Variants in CAPZB observed in about 807,000 individuals in gnomAD.
The protein encoded by CAPZB is capping actin protein of muscle Z-line subunit beta.
CAPZB carries 2 observed loss-of-function variants against 38.1 expected under a neutral mutation model. That is an observed-to-expected ratio of 0.05 (90% CI 0.02 to 0.17). The LOEUF is 0.17. CAPZB is among the 10% of genes least tolerant of loss of function. CAPZB has a pLI of 1.00. For missense variants in CAPZB, 161 were observed against 334.2 expected (o/e 0.48, Z 4.04); for synonymous variants, 107 against 127.4 (o/e 0.84, Z 1.08).
intron 1 of CAPZB, chr1:19,449,003 C>T (rs1048654071): frequency 2.5e-5 from 39 of 1,570,738 alleles, no homozygotes; most frequent in African/African-American, 1.2e-4. Flanking sequence ...TGACTAGGGA[C>T]GCTGCCCCAG....
intron 4 of CAPZB, among the ~76,000 whole-genome samples, chr1:19,375,167 C>T (rs566394578): frequency 1.3e-5 from 2 of 152,066 alleles, no homozygotes; most frequent in African/African-American, 2.4e-5. Flanking sequence ...CACAATGTAC[C>T]AAGATGTTTT....
Position 19,366,283 on chromosome 1 carries a change from AATATATATATAT to A in CAPZB, c.330-8732_330-8721del, listed in dbSNP as rs201882034. 2.0e-4 allele frequency among the ~76,000 whole-genome samples: 12 copies of A among 60,504 alleles called. 2 individuals carry two copies. Among genetic ancestry groups the A allele is most frequent in the African/African-American group, 7.7e-4 (12 of 15,672 alleles). 39.7% of individuals were successfully genotyped at this position (60,504 alleles called of 152,430 possible). ...GCAACATAGTGAGACCGTGTCTTAA[AATATATATATAT>A]ATATATATATATATAAATAAAATAA... On this transcript the variant is annotated intron_variant, in intron 4 of 8. Coordinates refer to ENST00000264202, the MANE Select transcript of CAPZB (RefSeq NM_004930.5).
chr1:19,354,264 T>C (rs1350168966), intron 6 of CAPZB, among the ~76,000 whole-genome samples: 1 of 152,228 alleles, frequency 6.6e-6, no homozygotes, highest in African/African-American at 2.4e-5. Flanking sequence ...TCATGCTCAC[T>C]GAGCTGCTCA....
chr1:19,459,779 T>G (rs546545611), intron 1 of CAPZB, among the ~76,000 whole-genome samples: 1 of 152,222 alleles, frequency 6.6e-6, no homozygotes, highest in African/African-American at 2.4e-5. Context: ...ATTCAGAAGT[T>G]CAAAATTTCC....
chr1:19,450,126 A>C (rs915166109), intron 1 of CAPZB, among the ~76,000 whole-genome samples: 1 of 143,498 alleles, frequency 7.0e-6, no homozygotes, highest in Admixed American at 7.0e-5. Flanking sequence ...CCTGGGCAAC[A>C]GAGCAAGACC....
At chr1:19,411,424 G>GAA (rs986859413) in intron 2 of CAPZB, among the ~76,000 whole-genome samples, 7 of 152,182 alleles carry the variant, frequency 4.6e-5, no homozygotes, top group Non-Finnish European at 1.0e-4. Context: ...TGGCTTTGGA[G>GAA]AAATTCAAGC....
chr1:19,365,060 T>C (rs2094075951), intron 4 of CAPZB, among the ~76,000 whole-genome samples: 1 of 152,124 alleles, frequency 6.6e-6, no homozygotes, highest in Non-Finnish European at 1.5e-5. Flanking sequence ...CTCAGGCAGG[T>C]CTTGAACTCC....
chr1:19,413,316 G>A (rs759595280), intron 2 of CAPZB, among the ~76,000 whole-genome samples: 7 of 152,166 alleles, frequency 4.6e-5, no homozygotes, highest in Non-Finnish European at 1.0e-4. Flanking sequence ...ACTTACTTCA[G>A]CTGAGACCCT....
chr1:19,371,763 C>T (rs2094120729), intron 4 of CAPZB, among the ~76,000 whole-genome samples: 1 of 152,212 alleles, frequency 6.6e-6, no homozygotes, highest in African/African-American at 2.4e-5. Flanking sequence ...CACTCACGTC[C>T]CGAGGAAGGG....
At chr1:19,355,482 G>A (rs569612916) in intron 6 of CAPZB, among the ~76,000 whole-genome samples, 6 of 146,178 alleles carry the variant, frequency 4.1e-5, no homozygotes, top group East Asian at 2.0e-4. Flanking sequence ...GTGACAGAGC[G>A]AGACTCCGTC....
chr1:19,462,792 C>T (rs927462035), intron 1 of CAPZB, among the ~76,000 whole-genome samples: 3 of 152,222 alleles, frequency 2.0e-5, no homozygotes, highest in African/African-American at 7.2e-5. Context: ...CCGCACTGTT[C>T]GCTAAGGCAG....
intron 1 of CAPZB, among the ~76,000 whole-genome samples, chr1:19,478,771 T>C (rs961150352): frequency 6.6e-6 from 1 of 152,214 alleles, no homozygotes; most frequent in Admixed American, 6.5e-5. Flanking sequence ...ACGGAATGAA[T>C]GACCCGATGG....
rs568252524 is a variant in CAPZB at position 19,355,420 on chromosome 1, G to A, written c.588+1215C>T. Among the ~76,000 whole-genome samples, 366 of 150,710 alleles carry A rather than the reference G, an allele frequency of 2.4e-3. 2 individuals carry two copies. The highest frequency in any genetic ancestry group is 8.7e-3 in the African/African-American group (356 of 40,932). ...TGAGGCAGGAGAATCGCTTGAACCCGGGAGGCAGAGATTGCAGTGAACCGA... is the reference window on the plus strand; with the variant it reads ...TGAGGCAGGAGAATCGCTTGAACCCAGGAGGCAGAGATTGCAGTGAACCGA... On this transcript the variant is annotated intron_variant, in intron 6 of 8. Transcript: ENST00000264202.
chr1:19,410,365 T>G (rs2094352104), intron 2 of CAPZB, among the ~76,000 whole-genome samples: 1 of 152,230 alleles, frequency 6.6e-6, no homozygotes, highest in Non-Finnish European at 1.5e-5. Flanking sequence ...GTGCACTGCT[T>G]TTTCCAAAAT....
chr1:19,386,604 G>A (rs1445337153), intron 2 of CAPZB, among the ~76,000 whole-genome samples: 2 of 152,162 alleles, frequency 1.3e-5, no homozygotes, highest in Non-Finnish European at 1.5e-5. Flanking sequence ...GGCTGACAGC[G>A]ACAGTGGTTC....
At position 19,419,675 on chromosome 1, in the gene CAPZB, C is replaced by G; in HGVS notation, c.79G>C (p.Asp27His). ...GAGGCACGTACCAGGTCGATCAGGTCGCTGAGGTTTTTCTCGATTTGCTGG... is the reference window on the plus strand; with the variant it reads ...GAGGCACGTACCAGGTCGATCAGGTGGCTGAGGTTTTTCTCGATTTGCTGG... ...PPQQIEKNLS[D>H]LIDLVPSLCE... The change falls in exon 2 of 9, where the codon GAC (aspartate) becomes CAC (histidine). Residue 27 changes from aspartate (D) to histidine (H), a missense_variant. Physicochemically the swap from Asp to His is moderately conservative, Grantham distance 81. Transcript: ENST00000264202. 1 of 1,591,764 alleles carries G rather than the reference C, an allele frequency of 6.3e-7. No individual in the cohort carries two copies.
At position 19,357,603 on chromosome 1, in the gene CAPZB, G is replaced by C; in HGVS notation, c.330-40C>G. On this transcript the variant is annotated intron_variant, in intron 4 of 8. Transcript: ENST00000264202. The surrounding 1 kb of genome is among the most constrained non-coding windows in gnomAD (Gnocchi z 4.3). ...CCAATGTGCCTGTTAGATGCTAAAGGACAGATCATCAGCCTGGGTCCCAGG... is the reference window on the plus strand; with the variant it reads ...CCAATGTGCCTGTTAGATGCTAAAGCACAGATCATCAGCCTGGGTCCCAGG... 6.2e-7 allele frequency: 1 copy of C among 1,609,868 alleles called. No individual in the cohort carries two copies. The highest frequency in any genetic ancestry group is 8.5e-7 in the Non-Finnish European group (1 of 1,176,768).
chr1:19,390,646 T>C (rs1325373828), intron 2 of CAPZB, among the ~76,000 whole-genome samples: 1 of 151,954 alleles, frequency 6.6e-6, no homozygotes, highest in Non-Finnish European at 1.5e-5. Flanking sequence ...ACCGATACTT[T>C]TGCCGGGCTC....
intron 8 of CAPZB, among the ~76,000 whole-genome samples, chr1:19,343,165 C>T (rs1017427624): frequency 6.6e-6 from 1 of 152,218 alleles, no homozygotes; most frequent in Non-Finnish European, 1.5e-5. Flanking sequence ...TTTGGTGTAT[C>T]GGGCAGTGGC....
Sources: gnomAD v4.1 joint callset for allele counts (sites outside exome capture counted in the v4.1 genomes callset) on GRCh38, gnomAD v4.1.1 for gene constraint, Gnocchi (gnomAD v3.1) non-coding constraint, MANE v1.5 for transcripts, NCBI Gene and HGNC (gene_info 2026-07-23, HGNC 2026-07-21) for gene names.